Variants in ZNF222 observed in about 807,000 individuals in gnomAD.
ZNF222 encodes the protein zinc finger protein 222.
ZNF222 carries 8 observed loss-of-function variants against 11.6 expected under a neutral mutation model. The observed-to-expected ratio is 0.69, with a 90% CI of 0.41 to 1.25. The LOEUF is 1.25. Among genes scored for constraint, ZNF222 ranks in the 50% most tolerant of loss-of-function variants. The pLI is 0.01. For missense variants in ZNF222, 483 were observed against 576.1 expected (o/e 0.84, Z 1.65); for synonymous variants, 171 against 195.6 (o/e 0.87, Z 1.05).
intron 3 of ZNF222, among the ~76,000 whole-genome samples, chr19:44,029,213 T>TTTTTA (rs1976449519): frequency 7.2e-6 from 1 of 139,014 alleles, no homozygotes; most frequent in Admixed American, 7.4e-5. Flanking sequence ...TTTTTTTTTT[T>TTTTTA]TGTCTGTGCA....
chr19:44,026,017 T>C (rs1976351089), intron 1 of ZNF222: 3 of 1,608,148 alleles, frequency 1.9e-6, no homozygotes, highest in South Asian at 2.2e-5. Flanking sequence ...CAGCTTTCTT[T>C]TTCCCCAGCC....
intron 3 of ZNF222, among the ~76,000 whole-genome samples, chr19:44,028,986 C>A (rs534853780): frequency 1.7e-4 from 26 of 152,208 alleles, no homozygotes; most frequent in African/African-American, 5.8e-4. Flanking sequence ...TAACACCAAA[C>A]GCAATGCCTA....
At chr19:44,031,428 C>T (rs117613786) in intron 3 of ZNF222, among the ~76,000 whole-genome samples, 29 of 152,306 alleles carry the variant, frequency 1.9e-4, no homozygotes, top group Non-Finnish European at 4.0e-4. Flanking sequence ...AAAGACTTCA[C>T]TTGTCCACAT....
Position 44,032,041 on chromosome 19 carries a change from A to G in ZNF222, c.487A>G (p.Lys163Glu), listed in dbSNP as rs765941574. ...AAAACCTTTCCAGGGTGAAAATTGT[A>G]AACAGTTCTTCAGTGATGTTTCCTT... ...REKPFQGENC[K>E]QFFSDVSFFD... Residue 163 changes from lysine to glutamate, a missense_variant, in exon 4 of 4, where the codon AAA (lysine) becomes GAA (glutamate). Physicochemically the swap from Lys to Glu is moderately conservative, Grantham distance 56 (BLOSUM62 1). Transcript: ENST00000391960. 4 of 1,614,242 alleles carry G rather than the reference A, an allele frequency of 2.5e-6. No individual in the cohort carries two copies. The highest frequency in any genetic ancestry group is 2.5e-6 in the Non-Finnish European group (3 of 1,180,032).
chr19:44,027,336 G>T, intron 2 of ZNF222, 62 bp from the exon 3 acceptor site: 1 of 1,571,748 alleles, frequency 6.4e-7, no homozygotes, highest in Non-Finnish European at 8.8e-7. Context: ...AATTACGTTT[G>T]CACCAACATG....
In ZNF222 at chr19:44,032,541, G is replaced by A. The variant is rs139722724; in HGVS notation, c.987G>A (p.Lys329=). 3.1e-6 allele frequency: 5 copies of A among 1,614,100 alleles called. No homozygotes were observed. Among genetic ancestry groups the A allele is most frequent in the Non-Finnish European group, 4.2e-6 (5 of 1,180,040 alleles). The change falls in exon 4 of 4, where the codon AAG becomes AAA. Residue 329 remains lysine (K), a synonymous_variant. Transcript: ENST00000391960. The stretch of plus-strand genomic sequence containing the variant: ...CAGAGAAACTGTACAAATCTGAAAA[G>A]TATGGAAGAGGTTTCATTGATAGGC... The part of the protein sequence containing the change: ...HTAEKLYKSE[K]YGRGFIDRLD...
At chr19:44,031,727 C>G (rs575298568) in intron 3 of ZNF222, 90 bp from the exon 4 acceptor site, 47 of 1,422,954 alleles carry the variant, frequency 3.3e-5, no homozygotes, top group Non-Finnish European at 4.2e-5. Flanking sequence ...ACAGTCCACC[C>G]GCCTCGGCCT....
Position 44,025,497 on chromosome 19 carries a change from G to A in ZNF222, c.42+19G>A. The stretch of plus-strand genomic sequence containing the variant: ...AGCAGAGGTTTGGAGGGGCGCGGGC[G>A]GGGATTGCCGTTCCAGTCAGCTGAG... On this transcript the variant is annotated intron_variant, in intron 1 of 3. Coordinates refer to ENST00000391960, the MANE Select transcript of ZNF222 (RefSeq NM_001129996.2). This position sits in a 1 kb window ranked among gnomAD's most constrained non-coding sequence, Gnocchi z 4.6. 2 of 1,542,468 alleles carry A rather than the reference G, an allele frequency of 1.3e-6. No individual in the cohort carries two copies. The highest frequency in any genetic ancestry group is 8.8e-7 in the Non-Finnish European group (1 of 1,142,814).
chr19:44,025,456 A>G lies in ZNF222; in HGVS notation c.20A>G (p.Lys7Arg). The change falls in exon 1 of 4, where the codon AAG (lysine) becomes AGG (arginine). Residue 7 changes from lysine (K) to arginine (R), a missense_variant. Coordinates refer to ENST00000391960, the MANE Select transcript of ZNF222 (RefSeq NM_001129996.2). This position sits in a 1 kb window ranked among gnomAD's most constrained non-coding sequence, Gnocchi z 4.6. ...CACCCAATGATCGATTCAGGAGAAAAGAAGCCTGGGCGGAGAGCAGAGGTT... is the reference window on the plus strand; with the variant it reads ...CACCCAATGATCGATTCAGGAGAAAGGAAGCCTGGGCGGAGAGCAGAGGTT... MIDSGE[K>R]KPGRRAEEAV... 6.4e-7 allele frequency: 1 copy of G among 1,551,138 alleles called. No individual in the cohort carries two copies. Among genetic ancestry groups the G allele is most frequent in the Non-Finnish European group, 8.7e-7 (1 of 1,146,768 alleles).
rs754793421 is a variant in ZNF222, at chr19:44,028,287, A to G, written c.262+797A>G. ...TCTGCTTAGCTGGCTAGTGACCTCA[A>G]TGGCATCTGTAGCTTTAATCTCCCT... is the stretch of plus-strand genomic sequence containing the variant. On this transcript the variant is annotated intron_variant, in intron 3 of 3. Coordinates refer to ENST00000391960, the MANE Select transcript of ZNF222 (RefSeq NM_001129996.2). 3.0e-4 allele frequency: 120 copies of G among 398,780 alleles called. 1 individual carries two copies. In the South Asian group the frequency reaches 3.9e-3, roughly 13 times the overall value. 24.7% of individuals were successfully genotyped at this position (398,780 alleles called of 1,614,324 possible). A position where few individuals can be genotyped will look rare whatever the true frequency, so the allele number is the denominator to read the frequency against.
At chr19:44,031,574 C>T (rs1475777087) in intron 3 of ZNF222, among the ~76,000 whole-genome samples, 1 of 152,188 alleles carries the variant, frequency 6.6e-6, no homozygotes, top group Non-Finnish European at 1.5e-5. Flanking sequence ...CCTCTGCCTC[C>T]TGGATTTAAG....
chr19:44,031,921 T>A lies in ZNF222; in HGVS notation c.367T>A (p.Ser123Thr), dbSNP rs1185902161. ...WEQIASDLTR[S>T]QDTTISNSQL... ...ACAAATTGCAAGTGACTTAACCAGGTCTCAAGATACCACCATAAGTAACTC... is the reference window on the plus strand; with the variant it reads ...ACAAATTGCAAGTGACTTAACCAGGACTCAAGATACCACCATAAGTAACTC... Residue 123 changes from serine to threonine, a missense_variant, in exon 4 of 4, where the codon TCT becomes ACT. Transcript: ENST00000391960. 1 of 1,614,172 alleles carries A rather than the reference T, an allele frequency of 6.2e-7. No homozygotes were observed. Among genetic ancestry groups the A allele is most frequent in the Admixed American group, 1.7e-5 (1 of 60,016 alleles).
intron 1 of ZNF222, 106 bp from the exon 2 acceptor site, chr19:44,026,917 C>G: frequency 6.5e-7 from 1 of 1,536,378 alleles, no homozygotes; most frequent in Non-Finnish European, 8.8e-7. Flanking sequence ...CTATGTCTCT[C>G]AAGATCCAAA....
chr19:44,031,598 T>C (rs556531536), intron 3 of ZNF222, among the ~76,000 whole-genome samples: 2 of 152,330 alleles, frequency 1.3e-5, no homozygotes, highest in African/African-American at 4.8e-5. Flanking sequence ...TTCTCCTGCC[T>C]CAGCCTCCTG....
At chr19:44,026,556 A>ATATTTTT (rs1491128087) in intron 1 of ZNF222, among the ~76,000 whole-genome samples, 37 of 101,902 alleles carry the variant, frequency 3.6e-4, no homozygotes, top group African/African-American at 1.2e-3. Flanking sequence ...ATATATATAT[A>ATATTTTT]TTTTTTTTTT....
At chr19:44,027,583 G>A (rs538764798) in intron 3 of ZNF222, 93 bp downstream of exon 3, 11 of 1,206,894 alleles carry the variant, frequency 9.1e-6, no homozygotes, top group African/African-American at 1.5e-5. Flanking sequence ...GGCCAAACCT[G>A]TTTCCTGGAT....
chr19:44,030,565 G>T (rs1268139848), intron 3 of ZNF222, among the ~76,000 whole-genome samples: 3 of 152,186 alleles, frequency 2.0e-5, no homozygotes, highest in African/African-American at 7.2e-5. Flanking sequence ...GCATATTATA[G>T]TTAACCAAGA....
intron 2 of ZNF222, 116 bp from the exon 3 acceptor site, chr19:44,027,282 A>G (rs1874599430): frequency 6.3e-7 from 1 of 1,575,124 alleles, no homozygotes; most frequent in Admixed American, 1.7e-5. Flanking sequence ...AGGTTGGTGC[A>G]AAAGTAATTG....
In ZNF222 at chr19:44,033,109, A is replaced by T. The variant is rs1180379788; in HGVS notation, c.*79A>T. 1 of 1,319,750 alleles carries T rather than the reference A, an allele frequency of 7.6e-7. No individual in the cohort carries two copies. Among genetic ancestry groups the T allele is most frequent in the African/African-American group, 1.5e-5 (1 of 66,682 alleles). 81.8% of individuals were successfully genotyped at this position (1,319,750 alleles called of 1,614,324 possible). On this transcript the variant is annotated 3_prime_UTR_variant, in exon 4 of 4. Transcript: ENST00000391960. ...ATTAAATCAGTTTAATTTCACCTGA[A>T]ACATTATTTGTGTTGGAAAAAATTG...
Sources: allele counts gnomAD v4.1 joint callset (sites outside exome capture counted in the v4.1 genomes callset), GRCh38; gene constraint gnomAD v4.1.1; non-coding constraint Gnocchi (gnomAD v3.1); transcripts MANE v1.5; gene names NCBI Gene and HGNC (gene_info 2026-07-23, HGNC 2026-07-21).